Variants in PCDH7 observed in about 807,000 individuals in gnomAD.
The protein encoded by PCDH7 is protocadherin 7, also known as protocadherin-7.
PCDH7 carries 17 observed loss-of-function variants against 58.9 expected under a neutral mutation model. The ratio of observed to expected loss-of-function variants is 0.29; its 90% CI spans 0.20 to 0.43. The LOEUF is 0.43. Among genes scored for constraint, PCDH7 ranks in the 20% least tolerant of loss-of-function variants. The pLI is 1.00. For missense variants in PCDH7, 1,274 were observed against 1,441.0 expected (o/e 0.88, Z 1.88); for synonymous variants, 664 against 616.4 (o/e 1.08, Z -1.14).
intron 1 of PCDH7, among the ~76,000 whole-genome samples, chr4:30,898,009 G>A (rs1252536511): frequency 6.6e-6 from 1 of 152,094 alleles, no homozygotes; most frequent in Non-Finnish European, 1.5e-5. Flanking sequence ...CCTCCCAAAG[G>A]TACATTTGTA....
At chr4:31,056,440 AG>A (rs1409624177) in intron 3 of PCDH7, among the ~76,000 whole-genome samples, 2 of 73,254 alleles carry the variant, frequency 2.7e-5, no homozygotes, top group Non-Finnish European at 4.5e-5. Context: ...AAAAGAAAGA[AG>A]GAAAGAAAGA....
chr4:30,860,321 C>CA (rs1338476444), intron 1 of PCDH7, among the ~76,000 whole-genome samples: 6 of 151,818 alleles, frequency 4.0e-5, no homozygotes, highest in Admixed American at 3.3e-4. Context: ...CTCTGATTGT[C>CA]AAAAAAGACA....
chr4:31,137,074 G>A (rs897481291), intron 3 of PCDH7, among the ~76,000 whole-genome samples: 1 of 152,140 alleles, frequency 6.6e-6, no homozygotes, highest in African/African-American at 2.4e-5. Context: ...ATTTTTCACT[G>A]ATCTTTTGTT....
chr4:30,902,749 A>T (rs1180688571), intron 1 of PCDH7, among the ~76,000 whole-genome samples: 2 of 152,158 alleles, frequency 1.3e-5, no homozygotes, highest in African/African-American at 4.8e-5. Flanking sequence ...AAACCCTTTT[A>T]TTTTAGATAT....
chr4:30,803,942 A>C (rs1424410506), intron 1 of PCDH7, among the ~76,000 whole-genome samples: 1 of 152,214 alleles, frequency 6.6e-6, no homozygotes, highest in Non-Finnish European at 1.5e-5. Context: ...TCTAGCATAT[A>C]GTGAAATCTA....
At chr4:30,858,166 A>G (rs571514367) in intron 1 of PCDH7, among the ~76,000 whole-genome samples, 3 of 152,310 alleles carry the variant, frequency 2.0e-5, no homozygotes, top group East Asian at 3.9e-4. Context: ...CATTCCTTCT[A>G]TCAAAGCTAA....
At chr4:30,988,945 GC>G (rs1164702841) in intron 3 of PCDH7, among the ~76,000 whole-genome samples, 1 of 152,114 alleles carries the variant, frequency 6.6e-6, no homozygotes, top group Non-Finnish European at 1.5e-5. Context: ...AAAACTGACA[GC>G]TTGATTTCTC....
At chr4:31,104,841 C>G (rs927172197) in intron 3 of PCDH7, among the ~76,000 whole-genome samples, 1 of 152,152 alleles carries the variant, frequency 6.6e-6, no homozygotes, top group African/African-American at 2.4e-5. Context: ...TTAGTGCCAG[C>G]TCAAACAAGA....
chr4:31,081,276 A>T (rs1759478113), intron 3 of PCDH7, among the ~76,000 whole-genome samples: 1 of 152,248 alleles, frequency 6.6e-6, no homozygotes, highest in Admixed American at 6.5e-5. Flanking sequence ...AGACTTTCTA[A>T]CATTTAGCCT....
chr4:30,766,057 A>C (rs923656533), intron 1 of PCDH7, among the ~76,000 whole-genome samples: 5 of 151,894 alleles, frequency 3.3e-5, no homozygotes, highest in Non-Finnish European at 7.4e-5. Context: ...ATAAGACGTC[A>C]CAGGAAAAGT....
chr4:31,130,148 A>G (rs1718800623), intron 3 of PCDH7, among the ~76,000 whole-genome samples: 1 of 152,182 alleles, frequency 6.6e-6, no homozygotes. Flanking sequence ...GAATTACATT[A>G]CCCAAATTTA....
chr4:30,905,351 T>A (rs1308846410), intron 1 of PCDH7, among the ~76,000 whole-genome samples: 1 of 152,070 alleles, frequency 6.6e-6, no homozygotes, highest in Non-Finnish European at 1.5e-5. Flanking sequence ...ACCATGTAGG[T>A]TTATCGACCT....
At chr4:31,105,642 T>G (rs1347030554) in intron 3 of PCDH7, among the ~76,000 whole-genome samples, 1 of 152,096 alleles carries the variant, frequency 6.6e-6, no homozygotes, top group East Asian at 1.9e-4. Flanking sequence ...GTGTGTGTGT[T>G]AAACTTGGAG....
chr4:30,723,089 C>G lies in PCDH7; in HGVS notation c.1667C>G (p.Thr556Arg). ...AACATCCCGGGCGAGAGGGTGGCCA[C>G]GGTGCTGGCGACAGACGCAGACAGC... The change falls in exon 1 of 2, where the codon ACG becomes AGG. Residue 556 changes from threonine to arginine, a missense_variant. Physicochemically the swap from Thr to Arg is moderately conservative, Grantham distance 71 (BLOSUM62 -1). This residue lies in a region of PCDH7 where 731 missense variants were observed against 881.9 expected (regional missense o/e 0.83). Transcript: ENST00000361762. This position sits in a 1 kb window ranked among gnomAD's most constrained non-coding sequence, Gnocchi z 4.6. The G allele has an allele frequency of 2.5e-6, 4 of 1,613,878 alleles. No individual in the cohort carries two copies. Among genetic ancestry groups the G allele is most frequent in the Non-Finnish European group, 3.4e-6 (4 of 1,180,034 alleles).
intron 1 of PCDH7, among the ~76,000 whole-genome samples, chr4:30,822,946 G>T (rs1728561680): frequency 6.6e-6 from 1 of 152,086 alleles, no homozygotes; most frequent in African/African-American, 2.4e-5. Context: ...TTATATGTGA[G>T]TAAGAACGGG....
chr4:31,017,145 C>T (rs1560578702), intron 3 of PCDH7, among the ~76,000 whole-genome samples: 1 of 152,118 alleles, frequency 6.6e-6, no homozygotes, highest in Non-Finnish European at 1.5e-5. Context: ...AAAAGCTGCC[C>T]AAGAAGCAGT....
intron 1 of PCDH7, among the ~76,000 whole-genome samples, chr4:30,893,215 C>G (rs1738847554): frequency 6.6e-6 from 1 of 151,988 alleles, no homozygotes; most frequent in Non-Finnish European, 1.5e-5. Flanking sequence ...GCAAAATAAG[C>G]AGACAATATA....
chr4:30,930,360 T>C (rs1744419968), intron 2 of PCDH7, among the ~76,000 whole-genome samples: 1 of 152,202 alleles, frequency 6.6e-6, no homozygotes, highest in Admixed American at 6.5e-5. Context: ...CTTGGAATGA[T>C]TCTGGTTAAG....
chr4:30,896,233 T>C (rs1272706597), intron 1 of PCDH7, among the ~76,000 whole-genome samples: 1 of 152,222 alleles, frequency 6.6e-6, no homozygotes, highest in Non-Finnish European at 1.5e-5. Flanking sequence ...TTTAGTTACA[T>C]AGATTTGAAC....
Sources: allele counts gnomAD v4.1 joint callset (sites outside exome capture counted in the v4.1 genomes callset), GRCh38; gene constraint gnomAD v4.1.1; regional missense constraint gnomAD v4.1.1; non-coding constraint Gnocchi (gnomAD v3.1); transcripts MANE v1.5; gene names NCBI Gene and HGNC (gene_info 2026-07-23, HGNC 2026-07-21).